The following ARHGAP32 variants were observed in gnomAD, a reference collection of about 807,000 sequenced individuals.
ARHGAP32 encodes the protein rho GTPase-activating protein 32.
In ARHGAP32, 51 loss-of-function variants were observed where a neutral mutation model predicts 186.5. The ratio of observed to expected loss-of-function variants is 0.27; its 90% CI spans 0.22 to 0.35. The LOEUF is 0.35. Among genes scored for constraint, ARHGAP32 ranks in the 10% least tolerant of loss-of-function variants. The pLI is 1.00. For synonymous variants in ARHGAP32, 950 were observed against 964.3 expected (o/e 0.99, Z 0.27); for missense variants, 2,186 against 2,623.5 (o/e 0.83, Z 3.64).
intron 11 of ARHGAP32, among the ~76,000 whole-genome samples, chr11:129,038,309 C>T (rs149320803): frequency 2.0e-5 from 3 of 152,034 alleles, no homozygotes; most frequent in African/African-American, 7.2e-5. Context: ...ACCATACACA[C>T]AAATTAACTT....
At chr11:129,104,022 G>A (rs1483980583) in intron 5 of ARHGAP32, among the ~76,000 whole-genome samples, 5 of 151,906 alleles carry the variant, frequency 3.3e-5, no homozygotes, top group Admixed American at 6.6e-5. Flanking sequence ...CAGATGGAAC[G>A]GTTTAAGAAT....
intron 1 of ARHGAP32, among the ~76,000 whole-genome samples, chr11:129,214,550 G>T (rs2135596996): frequency 6.6e-6 from 1 of 152,296 alleles, no homozygotes; most frequent in East Asian, 1.9e-4. Flanking sequence ...AGATTGAGGG[G>T]ATTCAAAGGG....
chr11:128,986,241 C>G lies in ARHGAP32; in HGVS notation c.1444-156G>C, dbSNP rs574276625. 2.2e-4 allele frequency among the ~76,000 whole-genome samples: 33 copies of G among 152,150 alleles called. 1 individual carries two copies. The South Asian group carries it at 6.9e-3, about 32-fold the overall frequency. ...ATTGTATTCAGGAAGTAAACTGTTT[C>G]CACACAGTGTGAACACTGAGATCTA... On this transcript the variant is annotated intron_variant, in intron 14 of 22. Transcript: ENST00000682385.
At chr11:129,215,953 G>C (rs1348579670) in intron 1 of ARHGAP32, among the ~76,000 whole-genome samples, 1 of 152,206 alleles carries the variant, frequency 6.6e-6, no homozygotes, top group Non-Finnish European at 1.5e-5. Flanking sequence ...TCGTTAGAGA[G>C]AGGCAGAGGG....
intron 6 of ARHGAP32, among the ~76,000 whole-genome samples, chr11:129,089,112 A>T (rs545164960): frequency 6.6e-6 from 1 of 152,324 alleles, no homozygotes; most frequent in African/African-American, 2.4e-5. Flanking sequence ...CAGAATGAGA[A>T]AAAAATATCC....
chr11:129,062,419 C>T (rs917717418), intron 9 of ARHGAP32, 62 bp from the exon 10 acceptor site: 4 of 1,391,878 alleles, frequency 2.9e-6, no homozygotes, highest in Non-Finnish European at 4.1e-6. Context: ...ATTGTTATAC[C>T]TAGAATTTAA....
intron 1 of ARHGAP32, among the ~76,000 whole-genome samples, chr11:129,170,727 T>A (rs1943742029): frequency 6.6e-6 from 1 of 152,256 alleles, no homozygotes; most frequent in African/African-American, 2.4e-5. Flanking sequence ...TGGTTCCAGA[T>A]CGTTGAGGAA....
Position 129,160,654 on chromosome 11 carries a change from G to C in ARHGAP32, c.225+3665C>G, listed in dbSNP as rs1312162575. ...TACAAACCACTGCTCAATGAAATAA[G>C]AGAGGACACAAACAAATAGAAAGAT... On this transcript the variant is annotated intron_variant, in intron 2 of 22. Coordinates refer to ENST00000682385, the MANE Select transcript of ARHGAP32 (RefSeq NM_001378024.1). Among the ~76,000 whole-genome samples the C allele has an allele frequency of 2.0e-5, 3 of 152,112 alleles. No individual in the cohort carries two copies. The East Asian group carries it at 5.8e-4, about 29-fold the overall frequency.
Position 129,068,491 on chromosome 11 carries a change from C to A in ARHGAP32, c.532-1623G>T, listed in dbSNP as rs545527807. ...AAGCATCATTTTATTTCAAATTTGC[C>A]AAAGTGGTAACACCAATTTATTCAC... On this transcript the variant is annotated intron_variant, in intron 6 of 22. Coordinates refer to ENST00000682385, the MANE Select transcript of ARHGAP32 (RefSeq NM_001378024.1). 2.0e-5 allele frequency among the ~76,000 whole-genome samples: 3 copies of A among 152,138 alleles called. No individual in the cohort carries two copies. The South Asian group carries it at 6.2e-4, about 32-fold the overall frequency.
At position 128,973,168 on chromosome 11, in the gene ARHGAP32, T is replaced by C; in HGVS notation, c.3338A>G (p.Gln1113Arg). ...GAACTGCTCTGCTGGTCGATCGGTT[T>C]GGAAATAGGCCTTATCTAGAGCAAC... ...SAVALDKAYF[Q>R]TDRPAEQFHL... Residue 1113 changes from glutamine to arginine, a missense_variant, in exon 22 of 23, where the codon CAA becomes CGA. Gln to Arg is a conservative substitution (Grantham distance 43). Transcript: ENST00000682385. 1.2e-6 allele frequency: 2 copies of C among 1,614,184 alleles called. No homozygotes were observed. Among genetic ancestry groups the C allele is most frequent in the Non-Finnish European group, 1.7e-6 (2 of 1,180,040 alleles).
At chr11:129,163,352 G>A in intron 2 of ARHGAP32, among the ~76,000 whole-genome samples, 1 of 152,048 alleles carries the variant, frequency 6.6e-6, no homozygotes. Flanking sequence ...CTTATTAATA[G>A]ATCTGTTACA....
chr11:129,140,363 C>T (rs2135425448), intron 2 of ARHGAP32, among the ~76,000 whole-genome samples: 1 of 152,306 alleles, frequency 6.6e-6, no homozygotes, highest in South Asian at 2.1e-4. Context: ...CCAGTTAAGC[C>T]TGCCCAGACT....
chr11:128,976,688 T>C (rs942490424), intron 19 of ARHGAP32, 54 bp from the exon 20 acceptor site: 1 of 1,452,346 alleles, frequency 6.9e-7, no homozygotes, highest in Non-Finnish European at 9.7e-7. Flanking sequence ...ACATATGTGG[T>C]TAATGGGATC....
chr11:129,269,406 G>C (rs184617998), intron 1 of ARHGAP32, among the ~76,000 whole-genome samples: 1 of 152,286 alleles, frequency 6.6e-6, no homozygotes, highest in Admixed American at 6.5e-5. Context: ...CTCTGGGAGA[G>C]GACGAAGGCA....
At chr11:129,166,643 T>C (rs1248288341) in intron 1 of ARHGAP32, among the ~76,000 whole-genome samples, 1 of 151,940 alleles carries the variant, frequency 6.6e-6, no homozygotes, top group African/African-American at 2.4e-5. Context: ...TAGAATCTTC[T>C]GCCTCACCAA....
At chr11:129,238,782 C>CACACACACACACACA (rs398115968) in intron 1 of ARHGAP32, among the ~76,000 whole-genome samples, 1 of 132,942 alleles carries the variant, frequency 7.5e-6, no homozygotes, top group African/African-American at 3.0e-5. Flanking sequence ...CACACACACA[C>CACACACACACACACA]CTCTAACCAA....
At chr11:129,263,149 T>C (rs1945346932) in intron 1 of ARHGAP32, among the ~76,000 whole-genome samples, 2 of 152,000 alleles carry the variant, frequency 1.3e-5, no homozygotes, top group African/African-American at 2.4e-5. Flanking sequence ...GAAGAAAACA[T>C]AGGAGGGAAA....
At chr11:129,049,247 G>T (rs985118896) in intron 10 of ARHGAP32, among the ~76,000 whole-genome samples, 4 of 152,124 alleles carry the variant, frequency 2.6e-5, no homozygotes, top group African/African-American at 9.7e-5. Flanking sequence ...TACAGTGTAT[G>T]ACAACAGCAT....
At chr11:129,193,689 T>TAA (rs1555111367), upstream of ARHGAP32, among the ~76,000 whole-genome samples, 3 of 24,420 alleles carry the variant, frequency 1.2e-4, no homozygotes, top group African/African-American at 4.7e-4. Context: ...ATAATATATA[T>TAA]TATATAATAT....
Sources: gnomAD v4.1 joint callset for allele counts (sites outside exome capture counted in the v4.1 genomes callset) on GRCh38, gnomAD v4.1.1 for gene constraint, MANE v1.5 for transcripts, NCBI Gene and HGNC (gene_info 2026-07-23, HGNC 2026-07-21) for gene names.